Variants in NAV1 observed in about 807,000 individuals in gnomAD.
NAV1 encodes pore membrane and/or filament interacting like protein 3.
In NAV1, 18 loss-of-function variants were observed where a neutral mutation model predicts 175.2. The observed-to-expected ratio is 0.10, with a 90% CI of 0.07 to 0.15. NAV1 has a LOEUF of 0.15. NAV1 is among the 10% of genes least tolerant of loss of function. The probability of loss-of-function intolerance (pLI) is 1.00; values close to 1 mark genes in which losing one functional copy is unlikely to be tolerated. For synonymous variants in NAV1, 897 were observed against 978.7 expected, an observed-to-expected ratio of 0.92 and a Z score of 1.56; for missense variants, 1,731 against 2,436.6, an observed-to-expected ratio of 0.71 and a Z score of 6.10.
At chr1:201,681,976 TGTG>T (rs1398620543) in intron 1 of NAV1, among the ~76,000 whole-genome samples, 2 of 151,950 alleles carry the variant, frequency 1.3e-5, no homozygotes, top group Non-Finnish European at 1.5e-5. Context: ...ATCAGCTGGG[TGTG>T]GTGATGCACA....
chr1:201,821,987 G>T (rs1222255056), exon 30 of NAV1: 2 of 152,628 alleles, frequency 1.3e-5, no homozygotes, highest in Non-Finnish European at 2.9e-5. Flanking sequence ...CCCAACCGAG[G>T]AGTAGATGCA....
chr1:201,655,124 C>A (rs1227662908), intron 1 of NAV1, among the ~76,000 whole-genome samples: 2 of 152,300 alleles, frequency 1.3e-5, no homozygotes, highest in East Asian at 3.9e-4. Context: ...GACCTGTTCA[C>A]CCTGACTCAC....
intron 3 of NAV1, among the ~76,000 whole-genome samples, chr1:201,763,783 C>T (rs1350556926): frequency 6.6e-6 from 1 of 152,220 alleles, no homozygotes; most frequent in Non-Finnish European, 1.5e-5. Flanking sequence ...CCTGCAATTA[C>T]CCTTTCCCAC....
chr1:201,786,435 G>C, exon 9 of NAV1: 1 of 1,612,480 alleles, frequency 6.2e-7, no homozygotes, highest in African/African-American at 1.3e-5. Context: ...ACAGGTACCA[G>C]CTTCAGTCCC....
At chr1:201,682,338 G>A (rs537359160) in intron 1 of NAV1, among the ~76,000 whole-genome samples, 44 of 151,892 alleles carry the variant, frequency 2.9e-4, no homozygotes, top group Non-Finnish European at 4.3e-4. Context: ...CACCCCTACC[G>A]CAGCCACCAA....
At chr1:201,804,489 G>A (rs977285976) in exon 17 of NAV1, 3 of 1,538,462 alleles carry the variant, frequency 1.9e-6, no homozygotes, top group African/African-American at 2.8e-5. Flanking sequence ...TTTTTTCCAG[G>A]TCTATGAGGT....
At chr1:201,687,807 T>A (rs973817492) in intron 1 of NAV1, among the ~76,000 whole-genome samples, 1 of 152,160 alleles carries the variant, frequency 6.6e-6, no homozygotes, top group Non-Finnish European at 1.5e-5. Context: ...GCCTGGGAAC[T>A]GATGGGAGAG....
exon 30 of NAV1, chr1:201,820,656 C>G (rs1285338739): frequency 6.6e-6 from 1 of 152,198 alleles, no homozygotes; most frequent in Non-Finnish European, 1.5e-5. Context: ...CACCAAACCA[C>G]AAAAATAACC....
At chr1:201,660,483 G>C (rs2102354477) in intron 1 of NAV1, among the ~76,000 whole-genome samples, 1 of 152,320 alleles carries the variant, frequency 6.6e-6, no homozygotes, top group African/African-American at 2.4e-5. Flanking sequence ...AGCCCAGCCT[G>C]TAGCTTTGGG....
At chr1:201,634,631 A>G (rs1254408186) in intron 2 of NAV1, among the ~76,000 whole-genome samples, 1 of 152,188 alleles carries the variant, frequency 6.6e-6, no homozygotes, top group Non-Finnish European at 1.5e-5. Context: ...ATTTCTTTAG[A>G]GGAGTACAGG....
intron 1 of NAV1, among the ~76,000 whole-genome samples, chr1:201,553,545 TACAA>T (rs1342513004): frequency 6.6e-6 from 1 of 152,278 alleles, no homozygotes; most frequent in African/African-American, 2.4e-5. Flanking sequence ...AGGTATAATT[TACAA>T]ACAGTGAAAC....
rs763255116 is a variant in NAV1 at position 201,718,418 on chromosome 1, G to A, written c.889G>A (p.Asp297Asn). The A allele has an allele frequency of 1.9e-6, 3 of 1,546,250 alleles. No homozygotes were observed. Among genetic ancestry groups the A allele is most frequent in the Non-Finnish European group, 2.6e-6 (3 of 1,140,854 alleles). Residue 297 changes from aspartate to asparagine, a missense_variant, in exon 3 of 30, where the codon GAT becomes AAT. Physicochemically the swap from Asp to Asn is conservative, Grantham distance 23. Around this residue, in one of 13 missense-constraint regions of NAV1, gnomAD observed 487 missense variants for 581.3 expected, o/e 0.84. Coordinates refer to ENST00000367296, the Ensembl canonical transcript of NAV1. The surrounding 1 kb of genome is among the most constrained non-coding windows in gnomAD (Gnocchi z 4.8). ...CCTGGAGATGACCTGCTACGACAGC[G>A]ATGATGCCAACCCACGCAGCGTGTC...
intron 2 of NAV1, among the ~76,000 whole-genome samples, chr1:201,717,733 C>G (rs2102483016): frequency 6.6e-6 from 1 of 152,350 alleles, no homozygotes; most frequent in East Asian, 1.9e-4. Context: ...GTGGCTTGGA[C>G]CAGTCTTACT....
chr1:201,776,756 C>A (rs1675977519), intron 3 of NAV1, among the ~76,000 whole-genome samples: 1 of 150,470 alleles, frequency 6.6e-6, no homozygotes, highest in African/African-American at 2.4e-5. Flanking sequence ...GAAGAGAGAA[C>A]TGAAAAATGA....
At chr1:201,626,228 G>A (rs963918387) in intron 1 of NAV1, among the ~76,000 whole-genome samples, 2 of 152,228 alleles carry the variant, frequency 1.3e-5, no homozygotes, top group African/African-American at 4.8e-5. Flanking sequence ...CCAAGGAGGT[G>A]CCATCTGCTT....
At chr1:201,815,971 C>T (rs1462453564) in intron 28 of NAV1, among the ~76,000 whole-genome samples, 4 of 152,116 alleles carry the variant, frequency 2.6e-5, no homozygotes, top group African/African-American at 9.6e-5. Context: ...CTCCCAGCCT[C>T]AGGCGATCTT....
intron 3 of NAV1, among the ~76,000 whole-genome samples, chr1:201,736,695 G>A (rs1289454009): frequency 6.6e-6 from 1 of 152,164 alleles, no homozygotes; most frequent in East Asian, 1.9e-4. Context: ...TTTCCCCCTT[G>A]TAAAGAGCTG....
At chr1:201,784,340 T>G (rs1676546895) in intron 7 of NAV1, among the ~76,000 whole-genome samples, 1 of 152,148 alleles carries the variant, frequency 6.6e-6, no homozygotes, top group Non-Finnish European at 1.5e-5. Flanking sequence ...GTATTTTTAG[T>G]AGAGACCAGG....
chr1:201,654,855 TC>T (rs1189304882), intron 1 of NAV1, among the ~76,000 whole-genome samples: 1 of 152,132 alleles, frequency 6.6e-6, no homozygotes, highest in Non-Finnish European at 1.5e-5. Flanking sequence ...TACCTTATTT[TC>T]CAGGAAAGCA....
Sources: allele counts gnomAD v4.1 joint callset (sites outside exome capture counted in the v4.1 genomes callset), GRCh38; gene constraint gnomAD v4.1.1; regional missense constraint gnomAD v4.1.1; non-coding constraint Gnocchi (gnomAD v3.1); transcripts MANE v1.5; gene names NCBI Gene and HGNC (gene_info 2026-07-23, HGNC 2026-07-21).